The following DCHS1 variants were observed in gnomAD, a reference collection of about 807,000 sequenced individuals.
The protein encoded by DCHS1 is protocadherin-16.
DCHS1 carries 78 observed loss-of-function variants against 213.9 expected under a neutral mutation model. The observed-to-expected ratio is 0.36, with a 90% CI of 0.30 to 0.44. The LOEUF is 0.44. Among genes scored for constraint, DCHS1 ranks in the 20% least tolerant of loss-of-function variants. The pLI is 1.00. For missense variants in DCHS1, 3,946 were observed against 4,395.9 expected (o/e 0.90, Z 2.89); for synonymous variants, 1,828 against 1,873.7 (o/e 0.98, Z 0.63).
chr11:6,640,511 C>T lies in DCHS1; in HGVS notation c.1103G>A (p.Ser368Asn), dbSNP rs373185353. ...NQPSMTVIFL[S>N]ADGSPQVSEA... ...AGACACTTGGGGGGAGCCATCTGCA[C>T]TGAGAAAGATGACAGTCATGGAGGG... Residue 368 changes from serine (S) to asparagine (N), a missense_variant, in exon 2 of 21, where the codon AGT (serine) becomes AAT (asparagine). Physicochemically the swap from Ser to Asn is conservative, Grantham distance 46 (BLOSUM62 1). Transcript: ENST00000299441. The surrounding 1 kb of genome is among the most constrained non-coding windows in gnomAD (Gnocchi z 6.5). 8.2e-5 allele frequency: 133 copies of T among 1,612,666 alleles called. No homozygotes were observed. Among genetic ancestry groups the T allele is most frequent in the Middle Eastern group, 1.6e-4 (1 of 6,084 alleles).
rs140867718 is a variant in DCHS1 at position 6,640,737 on chromosome 11, C to G, written c.877G>C (p.Glu293Gln). Residue 293 changes from glutamate (E) to glutamine (Q), a missense_variant, in exon 2 of 21, where the codon GAG becomes CAG. Around this residue, in one of 3 missense-constraint regions of DCHS1, gnomAD observed 3,384 missense variants for 3,780.1 expected, o/e 0.90. Coordinates refer to ENST00000299441, the MANE Select transcript of DCHS1 (RefSeq NM_003737.4). The surrounding 1 kb of genome is among the most constrained non-coding windows in gnomAD (Gnocchi z 6.5). ...DAGVNGAVTYEINRRQSEGDG... is the reference protein window; with the variant it reads ...DAGVNGAVTYQINRRQSEGDG... ...CCCTCGCTCTGCCTCCGGTTGATCT[C>G]GTAAGTCACAGCCCCATTGACACCA... The G allele has an allele frequency of 6.2e-7, 1 of 1,613,980 alleles. No individual in the cohort carries two copies. Among genetic ancestry groups the G allele is most frequent in the Non-Finnish European group, 8.5e-7 (1 of 1,179,896 alleles).
Position 6,641,360 on chromosome 11 carries a change from C to G in DCHS1, c.254G>C (p.Gly85Ala), listed in dbSNP as rs1347303249. 6.2e-7 allele frequency: 1 copy of G among 1,613,530 alleles called. No individual in the cohort carries two copies. Among genetic ancestry groups the G allele is most frequent in the Admixed American group, 1.7e-5 (1 of 60,032 alleles). The change falls in exon 2 of 21, where the codon GGC becomes GCC. Residue 85 changes from glycine to alanine, a missense_variant. Physicochemically the swap from Gly to Ala is moderately conservative, Grantham distance 60 (BLOSUM62 0). Coordinates refer to ENST00000299441, the MANE Select transcript of DCHS1 (RefSeq NM_003737.4). This position sits in a 1 kb window ranked among gnomAD's most constrained non-coding sequence, Gnocchi z 7.1. The stretch of plus-strand genomic sequence containing the variant: ...GGCCAGGTCTGTGCCCACGCCGCTG[C>G]CCTCTTGGGCAGAGATGAAGTACAT... ...PLMYFISAQE[G>A]SGVGTDLAID...
intron 2 of DCHS1, among the ~76,000 whole-genome samples, chr11:6,638,096 G>A (rs902695084): frequency 6.6e-6 from 1 of 152,172 alleles, no homozygotes; most frequent in Non-Finnish European, 1.5e-5. Flanking sequence ...GAGTAAACAC[G>A]TGGAAGAGTG....
At chr11:6,649,056 G>T (rs1200214112) in intron 1 of DCHS1, among the ~76,000 whole-genome samples, 1 of 151,962 alleles carries the variant, frequency 6.6e-6, no homozygotes, top group African/African-American at 2.4e-5. Context: ...AATAAACATA[G>T]CACAATGTCC....
rs1259900444 is a variant in DCHS1 at position 6,621,716 on chromosome 11, A to T, written c.*63T>A. 3 of 1,524,566 alleles carry T rather than the reference A, an allele frequency of 2.0e-6. No homozygotes were observed. The highest frequency in any genetic ancestry group is 2.6e-6 in the Non-Finnish European group (3 of 1,133,138). 94.4% of individuals were successfully genotyped at this position (1,524,566 alleles called of 1,614,324 possible). A position where few individuals can be genotyped will look rare whatever the true frequency, so the allele number is the denominator to read the frequency against. The stretch of plus-strand genomic sequence containing the variant: ...GTCCGAGGCTGCCCAGGGCAGGCTC[A>T]GAGTGGGGCCTGCGTTGGGGACACT... On this transcript the variant is annotated 3_prime_UTR_variant, in exon 21 of 21. Coordinates refer to ENST00000299441, the MANE Select transcript of DCHS1 (RefSeq NM_003737.4).
intron 2 of DCHS1, among the ~76,000 whole-genome samples, chr11:6,639,095 G>C (rs1856026852): frequency 7.2e-6 from 1 of 139,444 alleles, no homozygotes. Context: ...GGGCAACAGA[G>C]CGAGACTCCG....
Position 6,631,642 on chromosome 11 carries a change from C to T in DCHS1, c.3649G>A (p.Ala1217Thr). The T allele has an allele frequency of 6.3e-7, 1 of 1,590,504 alleles. No homozygotes were observed. Among genetic ancestry groups the T allele is most frequent in the Non-Finnish European group, 8.6e-7 (1 of 1,168,448 alleles). Residue 1217 changes from alanine to threonine, a missense_variant, in exon 7 of 21, where the codon GCT (alanine) becomes ACT (threonine). By Grantham distance (58) the Ala-to-Thr change is moderately conservative (BLOSUM62 0). Transcript: ENST00000299441. ...TGTATAGGGAGGCCCCCACCAGCAG[C>T]TCCTGAAGCCTGCAGGAACGTGGGG... ...NSPTFLQASG[A>T]AGGGLPIQVP...
At position 6,625,581 on chromosome 11, in the gene DCHS1, C is replaced by G. The variant is rs1281345042; in HGVS notation, c.6862+16G>C. On this transcript the variant is annotated intron_variant, in intron 18 of 20. Coordinates refer to ENST00000299441, the MANE Select transcript of DCHS1 (RefSeq NM_003737.4). The surrounding 1 kb of genome is among the most constrained non-coding windows in gnomAD (Gnocchi z 5.3). ...TCTCTGCCACCCTTTATGCCACCCA[C>G]TTTACCCAGCCTCACCTTCTGACAC... The G allele has an allele frequency of 1.2e-6, 2 of 1,613,512 alleles. No homozygotes were observed. The highest frequency in any genetic ancestry group is 8.5e-7 in the Non-Finnish European group (1 of 1,179,856).
chr11:6,623,216 G>A lies in DCHS1; in HGVS notation c.8460C>T (p.Phe2820=), dbSNP rs898949918. ...DPVFLAPAFH[F]QVPEGARRGH... ...CACGCCGGGCACCTTCGGGCACTTG[G>A]AAGTGGAAAGCTGGTGCCAGAAATA... The change falls in exon 21 of 21, where the codon TTC becomes TTT. Residue 2820 remains phenylalanine (F), a synonymous_variant. Transcript: ENST00000299441. 1.9e-6 allele frequency: 3 copies of A among 1,598,098 alleles called. No homozygotes were observed. In the African/African-American group the frequency reaches 4.0e-5, roughly 21 times the overall value.
chr11:6,643,179 C>G (rs1445802341), intron 1 of DCHS1, among the ~76,000 whole-genome samples: 1 of 152,042 alleles, frequency 6.6e-6, no homozygotes, highest in Non-Finnish European at 1.5e-5. Context: ...GAAGGAAATG[C>G]CCCGGAGCCC....
rs1410318800 is a variant in DCHS1, at chr11:6,630,597, G to C, written c.4197C>G (p.Gly1399=). 9.7e-6 allele frequency: 15 copies of C among 1,541,114 alleles called. No homozygotes were observed. Among genetic ancestry groups the C allele is most frequent in the Middle Eastern group, 1.8e-4 (1 of 5,694 alleles). ...GTACCGTAAGCGCGCGCCACGGCGGGCCAGCTTCGAAGTCCAGGGGCCGCG... is the reference window on the plus strand; with the variant it reads ...GTACCGTAAGCGCGCGCCACGGCGGCCCAGCTTCGAAGTCCAGGGGCCGCG... The part of the protein sequence containing the change: ...YLARPLDFEA[G]PPWRALTVRA... Residue 1399 remains glycine, a synonymous_variant, in exon 10 of 21, where the codon GGC becomes GGG. Coordinates refer to ENST00000299441, the MANE Select transcript of DCHS1 (RefSeq NM_003737.4).
chr11:6,622,614 CG>C lies in DCHS1; in HGVS notation c.9061del (p.Arg3021ValfsTer26). 6.3e-7 allele frequency: 1 copy of C among 1,582,786 alleles called. No homozygotes were observed. ...GGPGAGGPYP[R>X]GGSLDPSHSS... ...ATGTGAAGGGTCCAAGGAGCCACCACGGGGGTAGGGTCCTCCAGCTCCTGGC... is the reference window on the plus strand; with the variant it reads ...ATGTGAAGGGTCCAAGGAGCCACCACGGGGTAGGGTCCTCCAGCTCCTGGC... On this transcript the variant is annotated frameshift_variant, in exon 21 of 21. Coordinates refer to ENST00000299441, the MANE Select transcript of DCHS1 (RefSeq NM_003737.4). LOFTEE classifies it high-confidence loss of function. This position sits in a 1 kb window ranked among gnomAD's most constrained non-coding sequence, Gnocchi z 5.4.
chr11:6,632,046 T>G lies in DCHS1; in HGVS notation c.3466A>C (p.Ile1156Leu), dbSNP rs749968295. ...QLSEDSKAFRIHPQTGEVTTL... is the reference protein window; with the variant it reads ...QLSEDSKAFRLHPQTGEVTTL... ...CTGTGCTCACCAGTCTGGGGGTGGA[T>G]GCGGAAGGCCTTGCTGTCTTCAGAC... is the stretch of plus-strand genomic sequence containing the variant. Residue 1156 changes from isoleucine to leucine, a missense_variant, in exon 6 of 21, where the codon ATC becomes CTC. Physicochemically the swap from Ile to Leu is conservative, Grantham distance 5. Transcript: ENST00000299441. The surrounding 1 kb of genome is among the most constrained non-coding windows in gnomAD (Gnocchi z 5.9). 2.6e-6 allele frequency: 4 copies of G among 1,515,086 alleles called. No individual in the cohort carries two copies. Among genetic ancestry groups the G allele is most frequent in the Middle Eastern group, 1.8e-4 (1 of 5,584 alleles). 93.9% of individuals were successfully genotyped at this position (1,515,086 alleles called of 1,614,324 possible). A position where few individuals can be genotyped will look rare whatever the true frequency, so the allele number is the denominator to read the frequency against.
rs539599446 is a variant in DCHS1 at position 6,653,618 on chromosome 11, G to T, written c.-121+1945C>A. Among the ~76,000 whole-genome samples, 4 of 152,298 alleles carry T rather than the reference G, an allele frequency of 2.6e-5. No homozygotes were observed. The East Asian group carries it at 7.7e-4, about 29-fold the overall frequency. ...AAAATCATCTATTTATTTATGAAGGGCCCAGTTGAGGTTTGAATTTTTTAG... is the reference window on the plus strand; with the variant it reads ...AAAATCATCTATTTATTTATGAAGGTCCCAGTTGAGGTTTGAATTTTTTAG... On this transcript the variant is annotated intron_variant, in intron 1 of 20. Transcript: ENST00000299441.
In DCHS1 at chr11:6,630,111, C is replaced by T; in HGVS notation, c.4683G>A (p.Gly1561=). ...GGGCTACCACGTGCAGGGCCGCGGG[C>T]CCAGGCGGCTGGTCCTCTGGGAGGC... ...RVRLPEDQPP[G]PAALHVVARD... Residue 1561 remains glycine (G), a synonymous_variant, in exon 10 of 21, where the codon GGG becomes GGA. Transcript: ENST00000299441. The T allele has an allele frequency of 6.2e-7, 1 of 1,603,964 alleles. No homozygotes were observed. The highest frequency in any genetic ancestry group is 1.1e-5 in the South Asian group (1 of 90,524).
Position 6,632,557 on chromosome 11 carries a change from C to A in DCHS1, c.2955G>T (p.Arg985=), listed in dbSNP as rs1855928115. The change falls in exon 6 of 21, where the codon CGG becomes CGT. Residue 985 remains arginine, a synonymous_variant. Transcript: ENST00000299441. The surrounding 1 kb of genome is among the most constrained non-coding windows in gnomAD (Gnocchi z 5.9). ...SPPRTSHFRL[R]VVVQDVGTRG... The stretch of plus-strand genomic sequence containing the variant: ...GGGTTCCCACATCCTGTACCACCAC[C>A]CGTAGTCGAAAGTGGCTGGTGCGTG... The A allele has an allele frequency of 6.6e-7, 1 of 1,521,186 alleles. No homozygotes were observed. The highest frequency in any genetic ancestry group is 1.7e-4 in the Middle Eastern group (1 of 5,738). The allele number at this position is 1,521,186 out of a possible 1,614,324, so 94.2% of individuals were successfully genotyped here. A position where few individuals can be genotyped will look rare whatever the true frequency, so the allele number is the denominator to read the frequency against.
chr11:6,627,954 A>T lies in DCHS1; in HGVS notation c.5372-287T>A, dbSNP rs975768808. Among the ~76,000 whole-genome samples the T allele has an allele frequency of 6.6e-6, 1 of 152,244 alleles. No individual in the cohort carries two copies. On this transcript the variant is annotated intron_variant, in intron 13 of 20. Transcript: ENST00000299441. This position sits in a 1 kb window ranked among gnomAD's most constrained non-coding sequence, Gnocchi z 5.4. ...TATGGCCTTTTTATTCTCATCTCAC[A>T]GATGTACAGTAGAATTTACAGATGC...
chr11:6,630,474 C>T lies in DCHS1; in HGVS notation c.4320G>A (p.Pro1440=). Reference sequence around the variant, plus strand: ...GGTTCTCTGGCAGCGCCAGCGCCAGCGGGTCGCGCGCAAAGGCGGGCGCAT... The same window carrying T: ...GGTTCTCTGGCAGCGCCAGCGCCAGTGGGTCGCGCGCAAAGGCGGGCGCAT... ...NEHAPAFARD[P]LALALPENPE... The change falls in exon 10 of 21, where the codon CCG becomes CCA. Residue 1440 remains proline, a synonymous_variant. Coordinates refer to ENST00000299441, the MANE Select transcript of DCHS1 (RefSeq NM_003737.4). 6.5e-7 allele frequency: 1 copy of T among 1,530,094 alleles called. No individual in the cohort carries two copies. The highest frequency in any genetic ancestry group is 8.7e-7 in the Non-Finnish European group (1 of 1,144,674). 94.8% of individuals were successfully genotyped at this position (1,530,094 alleles called of 1,614,324 possible).
In DCHS1 at chr11:6,632,932, C is replaced by T; in HGVS notation, c.2580G>A (p.Val860=). 1 of 1,614,054 alleles carries T rather than the reference C, an allele frequency of 6.2e-7. No individual in the cohort carries two copies. Among genetic ancestry groups the T allele is most frequent in the Non-Finnish European group, 8.5e-7 (1 of 1,179,896 alleles). ...RPLDRELLGP[V]LELEVRAGSG... is the part of the protein sequence containing the mutation. ...TGCCTGCTCGCACCTCCAGCTCCAA[C>T]ACTGGTCCCAGTAGCTCCCGGTCCA... is the stretch of plus-strand genomic sequence containing the variant. The change falls in exon 6 of 21, where the codon GTG becomes GTA. Residue 860 remains valine (V), a synonymous_variant. Transcript: ENST00000299441. The surrounding 1 kb of genome is among the most constrained non-coding windows in gnomAD (Gnocchi z 5.9).
Sources: gnomAD v4.1 joint callset for allele counts (sites outside exome capture counted in the v4.1 genomes callset) on GRCh38, gnomAD v4.1.1 for gene constraint, gnomAD v4.1.1 regional missense constraint, Gnocchi (gnomAD v3.1) non-coding constraint, MANE v1.5 for transcripts, NCBI Gene and HGNC (gene_info 2026-07-23, HGNC 2026-07-21) for gene names.